Variants in E2F3 observed in about 807,000 individuals in gnomAD.
The protein encoded by E2F3 is transcription factor E2F3.
E2F3 carries 11 observed loss-of-function variants against 44.4 expected under a neutral mutation model. The ratio of observed to expected loss-of-function variants is 0.25; its 90% CI spans 0.16 to 0.41. E2F3 has a LOEUF of 0.41. E2F3 is among the 10% of genes least tolerant of loss of function. The pLI, the probability that E2F3 is intolerant of heterozygous loss-of-function variation, is 1.00. For synonymous variants in E2F3, 249 were observed against 253.0 expected (o/e 0.98, Z 0.15); for missense variants, 487 against 583.6 (o/e 0.83, Z 1.70).
At chr6:20,406,399 A>G (rs751073463) in intron 1 of E2F3, among the ~76,000 whole-genome samples, 1 of 152,234 alleles carries the variant, frequency 6.6e-6, no homozygotes, top group Non-Finnish European at 1.5e-5. Context: ...GACACCCAGT[A>G]CAATTCATAT....
chr6:20,485,323 A>G (rs1762356924), intron 4 of E2F3, among the ~76,000 whole-genome samples: 1 of 152,164 alleles, frequency 6.6e-6, no homozygotes, highest in Admixed American at 6.5e-5. Context: ...CACACCTGTA[A>G]TCCCAGCACT....
intron 1 of E2F3, among the ~76,000 whole-genome samples, chr6:20,427,476 A>C (rs953709172): frequency 1.3e-5 from 2 of 152,120 alleles, no homozygotes; most frequent in African/African-American, 4.8e-5. Flanking sequence ...GGGACCTGGC[A>C]GGTTGGGTGG....
intron 1 of E2F3, among the ~76,000 whole-genome samples, chr6:20,457,482 T>A (rs1761350288): frequency 6.6e-6 from 1 of 150,932 alleles, no homozygotes; most frequent in Non-Finnish European, 1.5e-5. Context: ...CCACTGCACC[T>A]AGCCCGTTCT....
At chr6:20,412,484 T>G (rs554809407) in intron 1 of E2F3, among the ~76,000 whole-genome samples, 49 of 151,978 alleles carry the variant, frequency 3.2e-4, no homozygotes, top group African/African-American at 1.2e-3. Flanking sequence ...GGCAGAAAGA[T>G]TGGCGTCAGG....
At chr6:20,476,919 C>T (rs1762064198) in intron 1 of E2F3, among the ~76,000 whole-genome samples, 1 of 152,146 alleles carries the variant, frequency 6.6e-6, no homozygotes, top group Non-Finnish European at 1.5e-5. Flanking sequence ...CTTCCGGAGC[C>T]ATTAGAATGA....
chr6:20,462,872 T>C (rs1761568006), intron 1 of E2F3, among the ~76,000 whole-genome samples: 1 of 96,508 alleles, frequency 1.0e-5, no homozygotes. Flanking sequence ...TTTTTTTTTT[T>C]TTTTTTTTTT....
At chr6:20,403,914 C>A in intron 1 of E2F3, 1 of 870,844 alleles carries the variant, frequency 1.1e-6, no homozygotes, top group Non-Finnish European at 1.7e-6. Context: ...TGAGGGTAGG[C>A]GGTTGAGCGG....
intron 3 of E2F3, 83 bp downstream of exon 3, chr6:20,481,508 C>T: frequency 8.6e-7 from 1 of 1,161,082 alleles, no homozygotes; most frequent in Non-Finnish European, 1.3e-6. Context: ...CTTTCACATC[C>T]ACGCCCACAC....
rs1454896297 is a variant in E2F3, at chr6:20,458,685, C to T, written c.394-21161C>T. On this transcript the variant is annotated intron_variant, in intron 1 of 6. Transcript: ENST00000346618. ...GGAGATTTCCCAAAAATAGGCTTGTCAGTAAAACTCTGGTGTGACAAAGGG... is the reference window on the plus strand; with the variant it reads ...GGAGATTTCCCAAAAATAGGCTTGTTAGTAAAACTCTGGTGTGACAAAGGG... Among the ~76,000 whole-genome samples the T allele has an allele frequency of 2.0e-5, 3 of 152,204 alleles. No individual in the cohort carries two copies. In the East Asian group the frequency reaches 5.8e-4, roughly 29 times the overall value.
rs76298150 is a variant in E2F3, at chr6:20,433,617, G to C, written c.393+30992G>C. On this transcript the variant is annotated intron_variant, in intron 1 of 6. Transcript: ENST00000346618. Reference sequence around the variant, plus strand: ...AAATTACAGTAATTTTTGACCTGCTGCTGGATCTTTTTATTTCACGCACTA... The same window carrying C: ...AAATTACAGTAATTTTTGACCTGCTCCTGGATCTTTTTATTTCACGCACTA... Among the ~76,000 whole-genome samples, 1,304 of 152,156 alleles carry C rather than the reference G, an allele frequency of 8.6e-3. 19 individuals carry two copies. Among genetic ancestry groups the C allele is most frequent in the African/African-American group, 0.029 (1,221 of 41,458 alleles).
At chr6:20,481,595 G>A (rs1762226541) in intron 3 of E2F3, among the ~76,000 whole-genome samples, 170 bp downstream of exon 3, 3 of 152,134 alleles carry the variant, frequency 2.0e-5, no homozygotes, top group South Asian at 4.1e-4. Context: ...CCAGAAGTTT[G>A]AAGTCTCTTT....
chr6:20,483,681 A>G (rs1762304335), intron 4 of E2F3, among the ~76,000 whole-genome samples: 1 of 152,206 alleles, frequency 6.6e-6, no homozygotes. Context: ...AGTAAGAGAG[A>G]GATTGCCTCA....
intron 1 of E2F3, among the ~76,000 whole-genome samples, chr6:20,450,698 C>T (rs1761100733): frequency 1.3e-5 from 2 of 152,120 alleles, no homozygotes; most frequent in African/African-American, 4.8e-5. Context: ...GAAATCTTTG[C>T]CCGTTCCTGT....
chr6:20,490,647 C>A lies in E2F3; in HGVS notation c.*217C>A. On this transcript the variant is annotated 3_prime_UTR_variant, in exon 7 of 7. Transcript: ENST00000346618. This position sits in a 1 kb window ranked among gnomAD's most constrained non-coding sequence, Gnocchi z 4.3. ...ACAGTTGCAGGCTCCCTTGGGAAAG[C>A]CCTGCTTTGCTCCAGGCTCCAAGAT... 2 of 404,550 alleles carry A rather than the reference C, an allele frequency of 4.9e-6. No individual in the cohort carries two copies. Among genetic ancestry groups the A allele is most frequent in the Non-Finnish European group, 8.3e-6 (2 of 240,582 alleles). The allele number at this position is 404,550 out of a possible 1,614,324, so 25.1% of individuals were successfully genotyped here. A position where few individuals can be genotyped will look rare whatever the true frequency, so the allele number is the denominator to read the frequency against.
intron 1 of E2F3, among the ~76,000 whole-genome samples, chr6:20,429,544 T>C (rs1323234411): frequency 2.0e-5 from 3 of 152,196 alleles, no homozygotes; most frequent in Non-Finnish European, 4.4e-5. Flanking sequence ...GGTCTTGGAA[T>C]GTATCCTCGG....
At chr6:20,459,405 A>G (rs1490851385) in intron 1 of E2F3, among the ~76,000 whole-genome samples, 1 of 152,216 alleles carries the variant, frequency 6.6e-6, no homozygotes, top group African/African-American at 2.4e-5. Flanking sequence ...AAAACTAACT[A>G]CCACTTATAT....
chr6:20,401,923 G>GGCCGCAGCACCCGGGCT lies in E2F3; in HGVS notation c.-304_-288dup, dbSNP rs1759316148. On this transcript the variant is annotated 5_prime_UTR_variant, in exon 1 of 7. Coordinates refer to ENST00000346618, the MANE Select transcript of E2F3 (RefSeq NM_001949.5). ...TTCCTGGAGCCATTTTTCAGCTGCCGGCCGCAGCACCCGGGCTGCCGCCGC... is the reference window on the plus strand; with the variant it reads ...TTCCTGGAGCCATTTTTCAGCTGCCGGCCGCAGCACCCGGGCTGCCGCAGCACCCGGGCTGCCGCCGC... The GGCCGCAGCACCCGGGCT allele has an allele frequency of 5.1e-6, 2 of 394,988 alleles. No homozygotes were observed. The highest frequency in any genetic ancestry group is 4.2e-5 in the African/African-American group (2 of 48,164). 24.5% of individuals were successfully genotyped at this position (394,988 alleles called of 1,614,324 possible).
chr6:20,482,090 GA>G (rs1316181970), intron 3 of E2F3, among the ~76,000 whole-genome samples: 2 of 152,106 alleles, frequency 1.3e-5, no homozygotes, highest in Non-Finnish European at 2.9e-5. Flanking sequence ...TCTGTTACAG[GA>G]GGGCTTTGAA....
chr6:20,402,329 A>C lies in E2F3; in HGVS notation c.97A>C (p.Met33Leu). The change falls in exon 1 of 7, where the codon ATG (methionine) becomes CTG (leucine). Residue 33 changes from methionine to leucine, a missense_variant. Met to Leu is a conservative substitution (Grantham distance 15). Coordinates refer to ENST00000346618, the MANE Select transcript of E2F3 (RefSeq NM_001949.5). The surrounding 1 kb of genome is among the most constrained non-coding windows in gnomAD (Gnocchi z 5.6). ...AVVAAAAAAS[M>L]DKRALLASPG... ...CGTCGCCGCCGCCGCTGCAGCCTCC[A>C]TGGACAAAAGGGCACTGCTAGCCAG... 6.2e-7 allele frequency: 1 copy of C among 1,609,992 alleles called. No individual in the cohort carries two copies. The highest frequency in any genetic ancestry group is 8.5e-7 in the Non-Finnish European group (1 of 1,178,956).
Sources: gnomAD v4.1 joint callset for allele counts (sites outside exome capture counted in the v4.1 genomes callset) on GRCh38, gnomAD v4.1.1 for gene constraint, Gnocchi (gnomAD v3.1) non-coding constraint, MANE v1.5 for transcripts, NCBI Gene and HGNC (gene_info 2026-07-23, HGNC 2026-07-21) for gene names.